Variants in TMED8 observed in about 807,000 individuals in gnomAD.
The protein encoded by TMED8 is protein TMED8.
A neutral mutation model predicts 32.7 loss-of-function variants in TMED8; 15 were observed. The observed-to-expected ratio is 0.46, with a 90% CI of 0.31 to 0.71. The LOEUF is 0.71. TMED8 is among the 30% of genes least tolerant of loss of function. The pLI, the probability that TMED8 is intolerant of heterozygous loss-of-function variation, is 0.06. For synonymous variants in TMED8, 147 were observed against 161.4 expected (o/e 0.91, Z 0.68); for missense variants, 390 against 423.9 (o/e 0.92, Z 0.70).
intron 2 of TMED8, among the ~76,000 whole-genome samples, chr14:77,348,296 T>G (rs905822312): frequency 6.6e-6 from 1 of 151,776 alleles, no homozygotes; most frequent in Non-Finnish European, 1.5e-5. Flanking sequence ...CGATCTCAGC[T>G]CACTCAAGCT....
intron 1 of TMED8, among the ~76,000 whole-genome samples, chr14:77,368,838 C>T (rs766250978): frequency 6.6e-6 from 1 of 152,144 alleles, no homozygotes; most frequent in Non-Finnish European, 1.5e-5. Context: ...ATTATAATTA[C>T]CTGCTTCCAC....
intron 2 of TMED8, among the ~76,000 whole-genome samples, chr14:77,347,853 A>G (rs79606501): frequency 6.6e-6 from 1 of 152,286 alleles, no homozygotes; most frequent in African/African-American, 2.4e-5. Flanking sequence ...GGTGACATGG[A>G]TTTTTTTGAA....
intron 1 of TMED8, among the ~76,000 whole-genome samples, chr14:77,366,275 G>A (rs1893551142): frequency 6.6e-6 from 1 of 152,192 alleles, no homozygotes; most frequent in African/African-American, 2.4e-5. Context: ...GGGGAGAACT[G>A]TCACTGACAA....
intron 1 of TMED8, among the ~76,000 whole-genome samples, chr14:77,370,951 A>G (rs992936659): frequency 2.0e-5 from 3 of 146,800 alleles, no homozygotes; most frequent in Non-Finnish European, 3.0e-5. Flanking sequence ...TCTGTCTCAG[A>G]AAAAAAAAAA....
At chr14:77,356,627 G>A (rs907384593) in intron 1 of TMED8, among the ~76,000 whole-genome samples, 3 of 152,090 alleles carry the variant, frequency 2.0e-5, no homozygotes, top group Admixed American at 6.6e-5. Context: ...TTCAACACAG[G>A]TACAACAACA....
At chr14:77,374,355 C>T (rs143281260) in intron 1 of TMED8, among the ~76,000 whole-genome samples, 13 of 152,340 alleles carry the variant, frequency 8.5e-5, no homozygotes, top group South Asian at 2.1e-4. Flanking sequence ...TCTAACACAG[C>T]GTTCCCAAAA....
intron 1 of TMED8, among the ~76,000 whole-genome samples, chr14:77,354,189 C>T (rs936898535): frequency 6.6e-6 from 1 of 152,126 alleles, no homozygotes; most frequent in Non-Finnish European, 1.5e-5. Flanking sequence ...CTGACAATAA[C>T]CTCTTAAAAA....
rs1160815178 is a variant in TMED8, at chr14:77,372,952, A to ATTT, written c.118+3981_118+3983dup. 2.1e-3 allele frequency among the ~76,000 whole-genome samples: 30 copies of ATTT among 14,312 alleles called. 2 individuals carry two copies. Among genetic ancestry groups the ATTT allele is most frequent in the East Asian group, 7.2e-3 (2 of 276 alleles). The allele number at this position is 14,312 out of a possible 152,430, so 9.4% of individuals were successfully genotyped here. On this transcript the variant is annotated intron_variant, in intron 1 of 5. Coordinates refer to ENST00000216468, the MANE Select transcript of TMED8 (RefSeq NM_213601.3). ...TATATATATATATATATATATATAT[A>ATTT]TTTTTTTTTTTTTTTTTTTTTTTTT...
Position 77,339,419 on chromosome 14 carries a change from C to T in TMED8, c.*2352G>A, listed in dbSNP as rs574638942. On this transcript the variant is annotated 3_prime_UTR_variant, in exon 6 of 6. Coordinates refer to ENST00000216468, the MANE Select transcript of TMED8 (RefSeq NM_213601.3). Reference sequence around the variant, plus strand: ...ATTCCAAAGAAAATAAGCAGAGAATCTCATGGTGAAAATAAATAATAACAA... The same window carrying T: ...ATTCCAAAGAAAATAAGCAGAGAATTTCATGGTGAAAATAAATAATAACAA... 2 of 152,194 alleles carry T rather than the reference C, an allele frequency of 1.3e-5. No individual in the cohort carries two copies. The highest frequency in any genetic ancestry group is 1.3e-4 in the Admixed American group (2 of 15,282). The allele number at this position is 152,194 out of a possible 1,614,324, so 9.4% of individuals were successfully genotyped here. A position where few individuals can be genotyped will look rare whatever the true frequency, so the allele number is the denominator to read the frequency against.
intron 1 of TMED8, among the ~76,000 whole-genome samples, chr14:77,371,062 T>G (rs968646904): frequency 6.6e-6 from 1 of 152,236 alleles, no homozygotes; most frequent in Non-Finnish European, 1.5e-5. Flanking sequence ...TTCTTCATTC[T>G]TTTCTACAGC....
intron 1 of TMED8, among the ~76,000 whole-genome samples, chr14:77,368,052 T>TA (rs1798226293): frequency 1.3e-5 from 2 of 152,196 alleles, no homozygotes. Context: ...GCTATCTATC[T>TA]ATTGTTGATG....
rs775005897 is a variant in TMED8, at chr14:77,370,170, TCAAAAAAAAA to T, written c.118+6756_118+6765del. 7.1e-5 allele frequency among the ~76,000 whole-genome samples: 5 copies of T among 70,230 alleles called. No homozygotes were observed. In the East Asian group the frequency reaches 1.4e-3, roughly 20 times the overall value. 46.1% of individuals were successfully genotyped at this position (70,230 alleles called of 152,430 possible). A position where few individuals can be genotyped will look rare whatever the true frequency, so the allele number is the denominator to read the frequency against. On this transcript the variant is annotated intron_variant, in intron 1 of 5. Transcript: ENST00000216468. ...CAAGGCGACAGAGCGAGACTCCGTT[TCAAAAAAAAA>T]AAAAAAAAAAAAATTCTGCCCTCTC...
At chr14:77,346,298 C>T in intron 3 of TMED8, 51 bp downstream of exon 3, 1 of 1,597,864 alleles carries the variant, frequency 6.3e-7, no homozygotes, top group African/African-American at 1.3e-5. Context: ...CACTATGTGT[C>T]CACATTCTGG....
chr14:77,362,738 C>T (rs1265638993), intron 1 of TMED8, among the ~76,000 whole-genome samples: 1 of 152,076 alleles, frequency 6.6e-6, no homozygotes. Context: ...CCACAAGAGA[C>T]TCATTTTAGC....
At chr14:77,369,383 C>T (rs1893627082) in intron 1 of TMED8, among the ~76,000 whole-genome samples, 1 of 152,190 alleles carries the variant, frequency 6.6e-6, no homozygotes, top group South Asian at 2.1e-4. Flanking sequence ...GTCAAAGCCA[C>T]CCAAAAATCC....
At chr14:77,360,275 T>G (rs1359198412) in intron 1 of TMED8, among the ~76,000 whole-genome samples, 3 of 152,174 alleles carry the variant, frequency 2.0e-5, no homozygotes, top group Admixed American at 6.5e-5. Flanking sequence ...GTACATTAGA[T>G]CTCTAGACTT....
At chr14:77,354,721 A>C (rs1893252487) in intron 1 of TMED8, among the ~76,000 whole-genome samples, 1 of 152,220 alleles carries the variant, frequency 6.6e-6, no homozygotes, top group African/African-American at 2.4e-5. Context: ...TGGGAGGCCG[A>C]GGAAGGTGGA....
intron 1 of TMED8, among the ~76,000 whole-genome samples, chr14:77,363,270 CA>C (rs1203047953): frequency 6.6e-6 from 1 of 151,968 alleles, no homozygotes; most frequent in Non-Finnish European, 1.5e-5. Flanking sequence ...TTTCCAACCA[CA>C]ATGGTAAAAA....
intron 1 of TMED8, among the ~76,000 whole-genome samples, chr14:77,362,940 T>A (rs908922546): frequency 2.0e-5 from 3 of 152,150 alleles, no homozygotes; most frequent in African/African-American, 7.2e-5. Flanking sequence ...TATAAATACA[T>A]ATGCACTCAA....
Sources: allele counts gnomAD v4.1 joint callset (sites outside exome capture counted in the v4.1 genomes callset), GRCh38; gene constraint gnomAD v4.1.1; transcripts MANE v1.5; gene names NCBI Gene and HGNC (gene_info 2026-07-23, HGNC 2026-07-21).